The following KNSTRN variants were observed in gnomAD, a reference collection of about 807,000 sequenced individuals.
The protein encoded by KNSTRN is kinetochore localized astrin (SPAG5) binding protein, also known as small kinetochore-associated protein.
KNSTRN carries 38 observed loss-of-function variants against 44.7 expected under a neutral mutation model. The observed-to-expected ratio is 0.85, with a 90% CI of 0.66 to 1.11. The LOEUF is 1.11. KNSTRN is among the 50% of genes most tolerant of loss of function. The probability of loss-of-function intolerance (pLI) is 0.00; values close to 1 mark genes in which losing one functional copy is unlikely to be tolerated. For synonymous variants in KNSTRN, 158 were observed against 148.1 expected, an observed-to-expected ratio of 1.07 and a Z score of -0.48; for missense variants, 406 against 375.8, an observed-to-expected ratio of 1.08 and a Z score of -0.66.
chr15:40,389,140 C>T (rs115469311), intron 4 of KNSTRN: 18 of 455,318 alleles, frequency 4.0e-5, no homozygotes, highest in Admixed American at 3.5e-4. Context: ...CTCTGTAGGC[C>T]GTATTTTTCT....
intron 3 of KNSTRN, chr15:40,386,799 T>C (rs571946850): frequency 8.0e-6 from 4 of 501,104 alleles, no homozygotes; most frequent in South Asian, 4.6e-5. Flanking sequence ...TGGGGACTAG[T>C]TGTTATCCTA....
intron 6 of KNSTRN, among the ~76,000 whole-genome samples, chr15:40,390,162 C>T (rs1462702717): frequency 2.0e-5 from 3 of 152,244 alleles, no homozygotes; most frequent in African/African-American, 7.2e-5. Flanking sequence ...TACCTGAACA[C>T]TTTATGCCAT....
In KNSTRN at chr15:40,388,366, T is replaced by C. The variant is rs912799141; in HGVS notation, c.486-1140T>C. On this transcript the variant is annotated intron_variant, in intron 4 of 8. Coordinates refer to ENST00000249776, the MANE Select transcript of KNSTRN (RefSeq NM_033286.4). ...CTAGTTAACTGCAGCAGGAACACGCTCTTAAGACACAGATTGCTCATGCTA... is the reference window on the plus strand; with the variant it reads ...CTAGTTAACTGCAGCAGGAACACGCCCTTAAGACACAGATTGCTCATGCTA... 4.5e-4 allele frequency among the ~76,000 whole-genome samples: 69 copies of C among 152,236 alleles called. 4 individuals carry two copies.
chr15:40,387,482 G>A (rs746632634), intron 4 of KNSTRN, among the ~76,000 whole-genome samples: 35 of 152,146 alleles, frequency 2.3e-4, no homozygotes, highest in Admixed American at 1.1e-3. Flanking sequence ...CTTAGCTATG[G>A]CCCATCAACA....
chr15:40,382,901 C>A lies in KNSTRN; in HGVS notation c.66C>A (p.Cys22Ter). 6.2e-7 allele frequency: 1 copy of A among 1,612,284 alleles called. No homozygotes were observed. Among genetic ancestry groups the A allele is most frequent in the Non-Finnish European group, 8.5e-7 (1 of 1,180,028 alleles). The change falls in exon 1 of 9, where the codon TGC (cysteine) becomes TGA (stop). Residue 22 changes from cysteine to a stop codon, truncating the protein, a stop_gained. Transcript: ENST00000249776. LOFTEE classifies it high-confidence loss of function. ...VFRTTWLSTE[C>*]DSHPLPPSYR... ...GTACAACATGGCTGTCTACAGAGTG[C>A]GATTCCCACCCACTTCCGCCTAGCT...
chr15:40,388,402 C>T (rs1234027121), intron 4 of KNSTRN, among the ~76,000 whole-genome samples: 1 of 152,178 alleles, frequency 6.6e-6, no homozygotes, highest in African/African-American at 2.4e-5. Context: ...TTGTTTGTGG[C>T]TTAAGAATGC....
chr15:40,386,247 TTAAAATAAAG>T (rs1889899293), intron 2 of KNSTRN, 105 bp from the exon 3 acceptor site: 1 of 1,127,572 alleles, frequency 8.9e-7, no homozygotes, highest in Non-Finnish European at 1.2e-6. Flanking sequence ...ATAATACTTT[TTAAAATAAAG>T]TAAAATAAAG....
rs964368911 is a variant in KNSTRN at position 40,382,852 on chromosome 15, C to A, written c.17C>A (p.Ala6Asp). The A allele has an allele frequency of 5.6e-6, 9 of 1,610,260 alleles. No individual in the cohort carries two copies. The highest frequency in any genetic ancestry group is 7.6e-6 in the Non-Finnish European group (9 of 1,179,268). Residue 6 changes from alanine (A) to aspartate (D), a missense_variant, in exon 1 of 9, where the codon GCC becomes GAC. Coordinates refer to ENST00000249776, the MANE Select transcript of KNSTRN (RefSeq NM_033286.4). Reference sequence around the variant, plus strand: ...CCGTACAGTATGGCGGCTCCCGAAGCCCCGCCCCTGGACAGAGTTTTCCGT... The same window carrying A: ...CCGTACAGTATGGCGGCTCCCGAAGACCCGCCCCTGGACAGAGTTTTCCGT... Reference protein sequence around the residue: MAAPEAPPLDRVFRTT... With the variant: MAAPEDPPLDRVFRTT...
chr15:40,389,430 C>T, intron 4 of KNSTRN, 76 bp from the exon 5 acceptor site: 1 of 1,064,812 alleles, frequency 9.4e-7, no homozygotes, highest in South Asian at 1.3e-5. Context: ...GGATTACAGG[C>T]ATGAGCTACC....
chr15:40,382,918 C>T lies in KNSTRN; in HGVS notation c.83C>T (p.Pro28Leu), dbSNP rs766760890. 7.4e-6 allele frequency: 12 copies of T among 1,612,196 alleles called. No individual in the cohort carries two copies. Among genetic ancestry groups the T allele is most frequent in the Middle Eastern group, 2.2e-4 (1 of 4,500 alleles). Residue 28 changes from proline (P) to leucine (L), a missense_variant, in exon 1 of 9, where the codon CCG becomes CTG. Coordinates refer to ENST00000249776, the MANE Select transcript of KNSTRN (RefSeq NM_033286.4). ...ACAGAGTGCGATTCCCACCCACTTC[C>T]GCCTAGCTACCGGAAGTTTCTATTT... ...LSTECDSHPL[P>L]PSYRKFLFET...
In KNSTRN at chr15:40,393,431, G is replaced by A. The variant is rs779750968; in HGVS notation, c.823-38G>A. On this transcript the variant is annotated intron_variant, in intron 8 of 8. Coordinates refer to ENST00000249776, the MANE Select transcript of KNSTRN (RefSeq NM_033286.4). ...GTTTCCTGTTAGTCAAGAGTTTTGT[G>A]TATGTGTTGTTTTCTTTTGGAATGT... 1.7e-5 allele frequency: 28 copies of A among 1,605,830 alleles called. No homozygotes were observed. In the African/African-American group the frequency reaches 3.6e-4, roughly 21 times the overall value.
At chr15:40,392,659 G>A (rs539585947) in intron 8 of KNSTRN, among the ~76,000 whole-genome samples, 1 of 152,340 alleles carries the variant, frequency 6.6e-6, no homozygotes, top group East Asian at 1.9e-4. Flanking sequence ...CCCCCAGGCT[G>A]GAGTGCAATG....
rs1467744788 is a variant in KNSTRN, at chr15:40,386,495, G to T, written c.437+1G>T. On this transcript the variant is annotated splice_donor_variant, in intron 3 of 8. Transcript: ENST00000249776. LOFTEE classifies it high-confidence loss of function. ...TCACCAAACTGAGACGAGAGAATGG[G>T]TGAGAACGGATCATTAGTATCCAGT... 1 of 1,613,652 alleles carries T rather than the reference G, an allele frequency of 6.2e-7. No homozygotes were observed. Among genetic ancestry groups the T allele is most frequent in the Non-Finnish European group, 8.5e-7 (1 of 1,179,854 alleles).
In KNSTRN at chr15:40,383,097, G is replaced by T. The variant is rs1037711291; in HGVS notation, c.209+53G>T. On this transcript the variant is annotated intron_variant, in intron 1 of 8. Transcript: ENST00000249776. ...GGCTGGATGGGAGGAAGGACGGAAT[G>T]AGCTGGGAAAGGAGGATTTTCTCTT... 13 of 1,599,138 alleles carry T rather than the reference G, an allele frequency of 8.1e-6. No individual in the cohort carries two copies. In the African/African-American group the frequency reaches 1.1e-4, roughly 13 times the overall value.
rs1889998648 is a variant in KNSTRN, at chr15:40,391,580, CA to C, written c.747+28del. 3 of 1,586,882 alleles carry C rather than the reference CA, an allele frequency of 1.9e-6. No individual in the cohort carries two copies. In the East Asian group the frequency reaches 6.7e-5, roughly 35 times the overall value. The stretch of plus-strand genomic sequence containing the variant: ...GTGAGGGCATGGGTGTGAAAGGGCG[CA>C]AGGGCTGAGTGACTGTGGGGCTCTG... On this transcript the variant is annotated intron_variant, in intron 7 of 8. Coordinates refer to ENST00000249776, the MANE Select transcript of KNSTRN (RefSeq NM_033286.4).
chr15:40,392,426 C>T (rs529272515), intron 8 of KNSTRN, among the ~76,000 whole-genome samples: 117 of 152,272 alleles, frequency 7.7e-4, no homozygotes, highest in African/African-American at 2.6e-3. Context: ...TGGTGGCTCA[C>T]GCCTATAATC....
At chr15:40,389,087 C>A (rs977828862) in intron 4 of KNSTRN, 3 of 436,114 alleles carry the variant, frequency 6.9e-6, no homozygotes, top group Non-Finnish European at 1.4e-5. Flanking sequence ...AGGTCATATA[C>A]CACTGTGTAA....
chr15:40,386,409 A>G lies in KNSTRN; in HGVS notation c.352A>G (p.Lys118Glu), dbSNP rs1353044130. 6.2e-7 allele frequency: 1 copy of G among 1,614,054 alleles called. No homozygotes were observed. The change falls in exon 3 of 9, where the codon AAA becomes GAA. Residue 118 changes from lysine to glutamate, a missense_variant. Lys to Glu is a moderately conservative substitution (Grantham distance 56). Transcript: ENST00000249776. Reference protein sequence around the residue: ...TSKSLLPVRSKEVDVSKQLHS... With the variant: ...TSKSLLPVRSEEVDVSKQLHS... ...TAAGAGTCTCTTACCTGTTAGGTCC[A>G]AAGAAGTCGATGTTTCCAAACAGCT...
At chr15:40,384,566 C>T (rs1889872345) in intron 2 of KNSTRN, 1 of 446,902 alleles carries the variant, frequency 2.2e-6, no homozygotes, top group Non-Finnish European at 4.5e-6. Flanking sequence ...GCCCCTGAGT[C>T]AGTGGGCAGT....
Sources: allele counts gnomAD v4.1 joint callset (sites outside exome capture counted in the v4.1 genomes callset), GRCh38; gene constraint gnomAD v4.1.1; transcripts MANE v1.5; gene names NCBI Gene and HGNC (gene_info 2026-07-23, HGNC 2026-07-21).